Variants in ANKFN1 observed in about 807,000 individuals in gnomAD.
ANKFN1 encodes the protein ankyrin repeat and fibronectin type III domain containing 1.
A neutral mutation model predicts 108.7 loss-of-function variants in ANKFN1; 74 were observed. That is an observed-to-expected ratio of 0.68 (90% CI 0.56 to 0.83). The LOEUF (loss-of-function observed/expected upper bound fraction) is 0.83, where lower values mean the gene tolerates loss of function less well. ANKFN1 is among the 40% of genes least tolerant of loss of function. The probability of loss-of-function intolerance (pLI) is 0.00; values close to 1 mark genes in which losing one functional copy is unlikely to be tolerated. For synonymous variants in ANKFN1, 547 were observed against 516.2 expected (o/e 1.06, Z -0.81); for missense variants, 1,505 against 1,382.3 (o/e 1.09, Z -1.41).
chr17:56,225,853 G>T (rs1916228220), intron 2 of ANKFN1, among the ~76,000 whole-genome samples: 1 of 152,178 alleles, frequency 6.6e-6, no homozygotes, highest in Non-Finnish European at 1.5e-5. Flanking sequence ...TCCCTGAATA[G>T]TTTTCAAAGT....
At position 56,429,587 on chromosome 17, in the gene ANKFN1, G is replaced by T. The variant is rs527451375; in HGVS notation, c.911-10740G>T. 2.6e-5 allele frequency among the ~76,000 whole-genome samples: 4 copies of T among 152,310 alleles called. No homozygotes were observed. In the South Asian group the frequency reaches 8.3e-4, roughly 32 times the overall value. ...AGAGACAGGCAGCAGGCTGGATTTG[G>T]CCTACAGATCTCAGTTTGCCAGGTC... On this transcript the variant is annotated intron_variant, in intron 8 of 20. Transcript: ENST00000682825.
chr17:56,460,644 C>T (rs1022807863), intron 14 of ANKFN1, among the ~76,000 whole-genome samples: 35 of 152,024 alleles, frequency 2.3e-4, no homozygotes, highest in Admixed American at 2.2e-3. Flanking sequence ...ACAGACCGAA[C>T]CTTCTTTTTT....
intron 4 of ANKFN1, among the ~76,000 whole-genome samples, chr17:56,144,173 A>C (rs901134556): frequency 1.1e-4 from 13 of 119,724 alleles, no homozygotes; most frequent in South Asian, 7.0e-4. Flanking sequence ...AAAAAAAAAA[A>C]AAAAAAAAAA....
intron 1 of ANKFN1, among the ~76,000 whole-genome samples, chr17:56,160,687 T>C (rs1369272649): frequency 1.3e-5 from 2 of 152,224 alleles, no homozygotes; most frequent in Non-Finnish European, 1.5e-5. Context: ...TCCATTAAAT[T>C]AGTCTAGGAG....
At chr17:56,234,548 T>G (rs1329762376) in intron 3 of ANKFN1, among the ~76,000 whole-genome samples, 1 of 152,120 alleles carries the variant, frequency 6.6e-6, no homozygotes, top group Non-Finnish European at 1.5e-5. Flanking sequence ...TTCCCCTCTT[T>G]GTGTCCATAA....
intron 4 of ANKFN1, among the ~76,000 whole-genome samples, chr17:56,333,391 T>C (rs2045718953): frequency 6.6e-6 from 1 of 152,144 alleles, no homozygotes. Context: ...TTAAATCCAA[T>C]TGCTTTTTAT....
intron 4 of ANKFN1, among the ~76,000 whole-genome samples, chr17:56,092,868 C>T (rs561200070): frequency 6.6e-6 from 1 of 150,886 alleles, no homozygotes; most frequent in East Asian, 1.9e-4. Context: ...TCTTAGAGAC[C>T]ACTCTCCCTG....
intron 1 of ANKFN1, among the ~76,000 whole-genome samples, chr17:56,200,089 C>T (rs1053093237): frequency 3.9e-5 from 6 of 152,126 alleles, no homozygotes; most frequent in Admixed American, 2.0e-4. Context: ...TGATGGCAAG[C>T]AGATCATCAA....
chr17:56,475,188 G>A (rs572731311), intron 15 of ANKFN1, among the ~76,000 whole-genome samples: 2 of 152,108 alleles, frequency 1.3e-5, no homozygotes, highest in Admixed American at 6.6e-5. Context: ...AAAATAACAC[G>A]AAAGAAAAAT....
chr17:56,180,292 T>C (rs974579540), intron 1 of ANKFN1, among the ~76,000 whole-genome samples: 2 of 152,212 alleles, frequency 1.3e-5, no homozygotes, highest in Non-Finnish European at 2.9e-5. Context: ...TTCTTTGTTC[T>C]ATCTGTTGCT....
intron 2 of ANKFN1, among the ~76,000 whole-genome samples, chr17:56,220,585 G>A (rs1194747164): frequency 1.3e-5 from 2 of 151,902 alleles, no homozygotes; most frequent in Non-Finnish European, 2.9e-5. Flanking sequence ...ACCTAGACCA[G>A]GGAGGTTGAG....
chr17:56,049,874 C>T (rs1373391113), intron 4 of ANKFN1, among the ~76,000 whole-genome samples: 1 of 151,054 alleles, frequency 6.6e-6, no homozygotes, highest in East Asian at 1.9e-4. Flanking sequence ...GTCTTTATAG[C>T]AGCATGATTT....
intron 4 of ANKFN1, among the ~76,000 whole-genome samples, chr17:56,131,464 T>C (rs1042432755): frequency 6.6e-6 from 1 of 152,214 alleles, no homozygotes; most frequent in Non-Finnish European, 1.5e-5. Flanking sequence ...ATTGTTTCAG[T>C]TGGCAAAAAT....
chr17:56,407,693 GA>G (rs2047961680), intron 8 of ANKFN1, among the ~76,000 whole-genome samples: 2 of 152,130 alleles, frequency 1.3e-5, no homozygotes, highest in African/African-American at 4.8e-5. Flanking sequence ...AAATCAAATA[GA>G]AAATAGATTA....
At chr17:56,109,153 A>G (rs886405220) in intron 4 of ANKFN1, among the ~76,000 whole-genome samples, 2 of 152,304 alleles carry the variant, frequency 1.3e-5, no homozygotes, top group East Asian at 3.9e-4. Flanking sequence ...CTACCACTGT[A>G]TTTATCAGTC....
intron 3 of ANKFN1, among the ~76,000 whole-genome samples, chr17:56,249,799 G>T (rs1458872153): frequency 6.6e-6 from 1 of 152,092 alleles, no homozygotes; most frequent in Non-Finnish European, 1.5e-5. Flanking sequence ...GGATCTGTTG[G>T]TTTTTTGTAA....
intron 4 of ANKFN1, among the ~76,000 whole-genome samples, chr17:56,079,265 T>A (rs1905216957): frequency 6.6e-6 from 1 of 152,152 alleles, no homozygotes; most frequent in African/African-American, 2.4e-5. Context: ...CTCCATAGCA[T>A]CAGAAAGCAC....
At chr17:56,425,688 T>C (rs1434824551) in intron 8 of ANKFN1, among the ~76,000 whole-genome samples, 1 of 152,196 alleles carries the variant, frequency 6.6e-6, no homozygotes, top group Non-Finnish European at 1.5e-5. Context: ...TTAGCCACTC[T>C]TTCCTATACA....
chr17:56,497,898 A>G (rs1251135856), intron 19 of ANKFN1, among the ~76,000 whole-genome samples: 1 of 152,112 alleles, frequency 6.6e-6, no homozygotes, highest in Non-Finnish European at 1.5e-5. Context: ...CATAAGAAAA[A>G]ATATGTTTAA....
Sources: allele counts gnomAD v4.1 joint callset (sites outside exome capture counted in the v4.1 genomes callset), GRCh38; gene constraint gnomAD v4.1.1; transcripts MANE v1.5; gene names NCBI Gene and HGNC (gene_info 2026-07-23, HGNC 2026-07-21).